Variants in TESK2 observed in about 807,000 individuals in gnomAD.
The protein encoded by TESK2 is testis associated actin remodelling kinase 2, also known as dual specificity testis-specific protein kinase 2.
In TESK2, 39 loss-of-function variants were observed where a neutral mutation model predicts 57.1. The observed-to-expected ratio is 0.68, with a 90% CI of 0.53 to 0.89. The LOEUF (loss-of-function observed/expected upper bound fraction) is 0.89. Ranked by LOEUF, TESK2 falls within the 40% of genes least tolerant of loss-of-function variation. The pLI is 0.00. For missense variants in TESK2, 646 were observed against 732.1 expected (o/e 0.88, Z 1.36); for synonymous variants, 249 against 267.9 (o/e 0.93, Z 0.69).
At position 45,345,291 on chromosome 1, in the gene TESK2, G is replaced by A. The variant is rs1378063455; in HGVS notation, c.1265C>T (p.Ser422Phe). The change falls in exon 11 of 11, where the codon TCT (serine) becomes TTT (phenylalanine). Residue 422 changes from serine to phenylalanine, a missense_variant. Coordinates refer to ENST00000372086, the MANE Select transcript of TESK2 (RefSeq NM_007170.3). ...CAGGTCAAATACCAGAGAGATGACA[G>A]ACTTGCTGGGCAGGTCAAAAAACTT... ...KIKFFDLPSKSVISLVFDLDA... is the reference protein window; with the variant it reads ...KIKFFDLPSKFVISLVFDLDA... 1 of 1,614,198 alleles carries A rather than the reference G, an allele frequency of 6.2e-7. No homozygotes were observed. Among genetic ancestry groups the A allele is most frequent in the Non-Finnish European group, 8.5e-7 (1 of 1,180,034 alleles).
chr1:45,405,659 G>GAT (rs904775668), intron 3 of TESK2, among the ~76,000 whole-genome samples: 8 of 148,990 alleles, frequency 5.4e-5, no homozygotes, highest in African/African-American at 1.2e-4. Context: ...TCTATATATA[G>GAT]ATATATATAT....
Position 45,345,146 on chromosome 1 carries a change from T to G in TESK2, c.1410A>C (p.Pro470=). The part of the protein sequence containing the change: ...SPEFLHQEAC[P]FVGREESLSD... ...ATAGCGATTCTTCCCGGCCCACAAATGGACAAGCCTCTTGATGCAAGAACT... is the reference window on the plus strand; with the variant it reads ...ATAGCGATTCTTCCCGGCCCACAAAGGGACAAGCCTCTTGATGCAAGAACT... The change falls in exon 11 of 11, where the codon CCA becomes CCC. Residue 470 remains proline (P), a synonymous_variant. Transcript: ENST00000372086. 1 of 1,614,094 alleles carries G rather than the reference T, an allele frequency of 6.2e-7. No individual in the cohort carries two copies. The highest frequency in any genetic ancestry group is 8.5e-7 in the Non-Finnish European group (1 of 1,180,024).
In TESK2 at chr1:45,385,929, A is replaced by G. The variant is rs747725479; in HGVS notation, c.376T>C (p.Leu126=). The G allele has an allele frequency of 6.8e-6, 11 of 1,607,908 alleles. No homozygotes were observed. Among genetic ancestry groups the G allele is most frequent in the African/African-American group, 2.7e-5 (2 of 74,682 alleles). Reference sequence around the variant, plus strand: ...TGTCTTACCTCTGTAAGTGCATGCAATTGTCCTTGATGAACACATACACCC... The same window carrying G: ...TGTCTTACCTCTGTAAGTGCATGCAGTTGTCCTTGATGAACACATACACCC... The part of the protein sequence containing the change: ...FMGVCVHQGQ[L]HALTEYINSG... Residue 126 remains leucine, a synonymous_variant, in exon 4 of 11, where the codon TTG becomes CTG. Coordinates refer to ENST00000372086, the MANE Select transcript of TESK2 (RefSeq NM_007170.3).
At chr1:45,481,833 A>G (rs1171158856) in intron 1 of TESK2, among the ~76,000 whole-genome samples, 1 of 152,238 alleles carries the variant, frequency 6.6e-6, no homozygotes, top group Non-Finnish European at 1.5e-5. Context: ...AAAAGTTAAA[A>G]TGTATAAAAA....
intron 4 of TESK2, among the ~76,000 whole-genome samples, chr1:45,369,814 C>T (rs1648103226): frequency 6.6e-6 from 1 of 151,744 alleles, no homozygotes; most frequent in African/African-American, 2.4e-5. Flanking sequence ...TGGGTTCAAG[C>T]AATTCTCCTG....
At chr1:45,385,736 A>AT (rs1557552020) in intron 4 of TESK2, among the ~76,000 whole-genome samples, 176 bp downstream of exon 4, 40 of 149,204 alleles carry the variant, frequency 2.7e-4, no homozygotes, top group African/African-American at 9.9e-4. Context: ...ATATATATAT[A>AT]AAGAAATACT....
intron 1 of TESK2, among the ~76,000 whole-genome samples, chr1:45,489,776 T>C (rs534240445): frequency 6.6e-6 from 1 of 152,302 alleles, no homozygotes; most frequent in African/African-American, 2.4e-5. Context: ...GGTGACAGAA[T>C]GAGACTCCGT....
At chr1:45,417,261 C>T (rs1165065070) in intron 3 of TESK2, among the ~76,000 whole-genome samples, 1 of 151,640 alleles carries the variant, frequency 6.6e-6, no homozygotes, top group African/African-American at 2.4e-5. Flanking sequence ...GAGACAGTTT[C>T]GCTCTTGTTG....
At chr1:45,351,729 T>C (rs1211721462) in intron 5 of TESK2, among the ~76,000 whole-genome samples, 1 of 152,202 alleles carries the variant, frequency 6.6e-6, no homozygotes, top group Non-Finnish European at 1.5e-5. Context: ...CGTTCAGAGA[T>C]GGGGACAAAA....
In TESK2 at chr1:45,344,526, GCCA is replaced by G; in HGVS notation, c.*311_*313del. On this transcript the variant is annotated 3_prime_UTR_variant, in exon 11 of 11. Transcript: ENST00000372086. ...GAAAGAACCGGGGTAATAGCTGCCT[GCCA>G]GCTCAGCCTAGAACTAGACATCCTC... 1 of 302,138 alleles carries G rather than the reference GCCA, an allele frequency of 3.3e-6. No individual in the cohort carries two copies. Among genetic ancestry groups the G allele is most frequent in the Admixed American group, 4.7e-5 (1 of 21,350 alleles). The allele number at this position is 302,138 out of a possible 1,614,324, so 18.7% of individuals were successfully genotyped here.
chr1:45,391,567 T>C (rs553053953), intron 3 of TESK2, among the ~76,000 whole-genome samples: 1 of 152,186 alleles, frequency 6.6e-6, no homozygotes, highest in African/African-American at 2.4e-5. Context: ...TGGAACACAG[T>C]AAGCTAGTTA....
At chr1:45,357,929 G>A (rs898655580) in intron 4 of TESK2, among the ~76,000 whole-genome samples, 10 of 150,648 alleles carry the variant, frequency 6.6e-5, no homozygotes, top group South Asian at 2.1e-4. Context: ...GCTTGAACAC[G>A]GGAGATGGAG....
chr1:45,483,194 T>C (rs1653304454), intron 1 of TESK2, among the ~76,000 whole-genome samples: 4 of 150,138 alleles, frequency 2.7e-5, no homozygotes, highest in Admixed American at 1.3e-4. Context: ...GGCAGGAGAA[T>C]GGCGTGAACC....
At position 45,472,483 on chromosome 1, in the gene TESK2, A is replaced by G. The variant is rs1652808538; in HGVS notation, c.-86-14612T>C. The stretch of plus-strand genomic sequence containing the variant: ...TAAGGCAGAAGAATCGCTTGAACCC[A>G]GGAGGCAGAAATTGCAGTGAACCAA... On this transcript the variant is annotated intron_variant, in intron 1 of 10. Transcript: ENST00000372086. 2.0e-5 allele frequency among the ~76,000 whole-genome samples: 3 copies of G among 149,634 alleles called. No homozygotes were observed. In the South Asian group the frequency reaches 6.5e-4, roughly 32 times the overall value.
intron 4 of TESK2, among the ~76,000 whole-genome samples, chr1:45,376,768 T>C (rs1352584111): frequency 6.6e-6 from 1 of 152,102 alleles, no homozygotes; most frequent in Non-Finnish European, 1.5e-5. Flanking sequence ...AGCAAGAATG[T>C]ATAGAAGAGA....
chr1:45,469,173 A>G (rs979860834), intron 1 of TESK2, among the ~76,000 whole-genome samples: 1 of 152,226 alleles, frequency 6.6e-6, no homozygotes, highest in African/African-American at 2.4e-5. Context: ...ACCAATTAAA[A>G]AAAAGTTAGT....
At chr1:45,415,548 TAACAAC>T (rs550072246) in intron 3 of TESK2, among the ~76,000 whole-genome samples, 6 of 151,656 alleles carry the variant, frequency 4.0e-5, no homozygotes, top group South Asian at 2.1e-4. Context: ...AAAAACTAAA[TAACAAC>T]AACAACAACA....
chr1:45,438,288 G>C (rs1468540162), intron 2 of TESK2, among the ~76,000 whole-genome samples: 1 of 152,144 alleles, frequency 6.6e-6, no homozygotes. Context: ...CTGAGGTCAG[G>C]AGTTCGAGAC....
At chr1:45,404,738 T>G (rs1649766624) in intron 3 of TESK2, among the ~76,000 whole-genome samples, 1 of 152,008 alleles carries the variant, frequency 6.6e-6, no homozygotes, top group East Asian at 1.9e-4. Flanking sequence ...AGACGGGGTT[T>G]CACTATGTTG....
Sources: gnomAD v4.1 joint callset for allele counts (sites outside exome capture counted in the v4.1 genomes callset) on GRCh38, gnomAD v4.1.1 for gene constraint, MANE v1.5 for transcripts, NCBI Gene and HGNC (gene_info 2026-07-23, HGNC 2026-07-21) for gene names.